ZNF66: variants seen among roughly 807,000 people sequenced by gnomAD.
ZNF66 encodes the protein putative zinc finger protein 66.
In ZNF66, 32 loss-of-function variants were observed where a neutral mutation model predicts 35.2. The observed-to-expected ratio is 0.91, with a 90% CI of 0.69 to 1.22. The LOEUF (loss-of-function observed/expected upper bound fraction) is 1.22, where lower values mean the gene tolerates loss of function less well. Among genes scored for constraint, ZNF66 ranks in the 50% most tolerant of loss-of-function variants. The pLI is 0.00. For missense variants in ZNF66, 666 were observed against 543.1 expected (o/e 1.23, Z -2.25); for synonymous variants, 231 against 181.3 (o/e 1.27, Z -2.20).
intron 1 of ZNF66, among the ~76,000 whole-genome samples, chr19:20,779,057 G>C (rs1388115831): frequency 6.6e-6 from 1 of 152,160 alleles, no homozygotes; most frequent in African/African-American, 2.4e-5. Flanking sequence ...CCTTTATCCT[G>C]AGAGAAGCTA....
intron 1 of ZNF66, among the ~76,000 whole-genome samples, chr19:20,791,246 A>C (rs142895610): frequency 9.0e-4 from 137 of 152,246 alleles, no homozygotes; most frequent in Non-Finnish European, 1.8e-3. Flanking sequence ...GCACTTTGGG[A>C]GGTCAAGGCA....
At chr19:20,785,602 T>A (rs10420292) in intron 1 of ZNF66, among the ~76,000 whole-genome samples, 98,452 of 151,968 alleles carry the variant, frequency 0.65, 32,045 homozygotes, top group Non-Finnish European at 0.67. Context: ...CATCTTTGTA[T>A]TCTGTTAAAC....
chr19:20,786,027 C>T (rs926435686), intron 1 of ZNF66, among the ~76,000 whole-genome samples: 1 of 19,220 alleles, frequency 5.2e-5, no homozygotes, highest in African/African-American at 1.8e-4. Context: ...CTCCCAGAGT[C>T]CTAGTCCTGG....
At chr19:20,800,382 C>G (rs1196059006) in intron 3 of ZNF66, among the ~76,000 whole-genome samples, 1 of 152,104 alleles carries the variant, frequency 6.6e-6, no homozygotes, top group Non-Finnish European at 1.5e-5. Flanking sequence ...TGTGTATTAT[C>G]TTGGTTTTGA....
intron 3 of ZNF66, among the ~76,000 whole-genome samples, chr19:20,795,975 G>T (rs59765058): frequency 6.6e-6 from 1 of 152,038 alleles, no homozygotes; most frequent in Non-Finnish European, 1.5e-5. Flanking sequence ...CTAAGGGCAG[G>T]TTCTCTTCTG....
intron 1 of ZNF66, chr19:20,784,585 C>T (rs956210865): frequency 6.6e-6 from 1 of 152,182 alleles, no homozygotes; most frequent in East Asian, 1.9e-4. Flanking sequence ...CAATCAGATT[C>T]TATTTCTTCA....
intron 3 of ZNF66, among the ~76,000 whole-genome samples, chr19:20,801,568 C>A (rs113570974): frequency 0.013 from 1,995 of 152,240 alleles, 40 homozygotes; most frequent in African/African-American, 0.045. Flanking sequence ...TCATCTTGAA[C>A]TCCTGACCTC....
In ZNF66 at chr19:20,808,154, G is replaced by A. The variant is rs1160181362; in HGVS notation, c.*832G>A. On this transcript the variant is annotated 3_prime_UTR_variant, in exon 4 of 4. Coordinates refer to ENST00000344519, the MANE Select transcript of ZNF66 (RefSeq NM_001355197.2). ...AAACTGCAAGGCAGCAGCGAGGCTG[G>A]GGGAGGAGCGCCTGCCATTGCCCAG... 6.6e-6 allele frequency among the ~76,000 whole-genome samples: 1 copy of A among 152,158 alleles called. No individual in the cohort carries two copies. Among genetic ancestry groups the A allele is most frequent in the South Asian group, 2.1e-4 (1 of 4,834 alleles).
rs764195392 is a variant in ZNF66, at chr19:20,806,338, A to G, written c.738A>G (p.Thr246=). 1 of 1,551,330 alleles carries G rather than the reference A, an allele frequency of 6.4e-7. No individual in the cohort carries two copies. The highest frequency in any genetic ancestry group is 1.1e-5 in the South Asian group (1 of 89,816). ...KAFNRSSNLT[T]HKKIHTGEKP... ...TTAACCGCTCCTCTAACCTTACTAC[A>G]CATAAGAAAATTCATACTGGAGAGA... The change falls in exon 4 of 4, where the codon ACA becomes ACG. Residue 246 remains threonine, a synonymous_variant. Transcript: ENST00000344519.
chr19:20,786,381 T>C (rs1374706684), intron 1 of ZNF66, among the ~76,000 whole-genome samples: 1 of 152,156 alleles, frequency 6.6e-6, no homozygotes, highest in Non-Finnish European at 1.5e-5. Context: ...CTGAAACTGA[T>C]TCAGAGAATA....
intron 3 of ZNF66, among the ~76,000 whole-genome samples, chr19:20,805,018 T>C (rs1008510049): frequency 2.0e-5 from 3 of 152,092 alleles, no homozygotes; most frequent in African/African-American, 4.8e-5. Flanking sequence ...TACCAGTGTC[T>C]AGAAAAGCCC....
At chr19:20,782,672 T>G (rs879515445) in intron 1 of ZNF66, among the ~76,000 whole-genome samples, 21 of 152,194 alleles carry the variant, frequency 1.4e-4, no homozygotes, top group Non-Finnish European at 2.8e-4. Flanking sequence ...GTATATCTTC[T>G]TTTGAAAAGA....
chr19:20,806,639 G>C lies in ZNF66; in HGVS notation c.1039G>C (p.Gly347Arg). ...GAAACCCTACAAATGTGAAGAATGT[G>C]GCAAAGGCTTTAAGTACTCCTCTAC... Reference protein sequence around the residue: ...GEKPYKCEECGKGFKYSSTLT... With the variant: ...GEKPYKCEECRKGFKYSSTLT... The change falls in exon 4 of 4, where the codon GGC becomes CGC. Residue 347 changes from glycine (G) to arginine (R), a missense_variant. Physicochemically the swap from Gly to Arg is moderately radical, Grantham distance 125. Coordinates refer to ENST00000344519, the MANE Select transcript of ZNF66 (RefSeq NM_001355197.2). 1 of 1,569,248 alleles carries C rather than the reference G, an allele frequency of 6.4e-7. No homozygotes were observed. Among genetic ancestry groups the C allele is most frequent in the Non-Finnish European group, 8.8e-7 (1 of 1,140,902 alleles).
chr19:20,800,213 C>T (rs544537586), intron 3 of ZNF66, among the ~76,000 whole-genome samples: 1 of 152,254 alleles, frequency 6.6e-6, no homozygotes, highest in South Asian at 2.1e-4. Context: ...GTTAGGATCT[C>T]ACTATTTTGC....
intron 2 of ZNF66, among the ~76,000 whole-genome samples, chr19:20,793,316 TCTTTTCTTTTC>T (rs1396929432): frequency 1.4e-4 from 11 of 78,170 alleles, no homozygotes; most frequent in South Asian, 8.4e-4. Flanking sequence ...TCTTTTCTTT[TCTTTTCTTTTC>T]TTTTCTTTTT....
At position 20,808,031 on chromosome 19, in the gene ZNF66, G is replaced by T. The variant is rs1971542207; in HGVS notation, c.*709G>T. ...ACCCTAATACTGCGCAATTCCAATG[G>T]GCTTAAAAAATGGCACACCAGATTA... On this transcript the variant is annotated 3_prime_UTR_variant, in exon 4 of 4. Coordinates refer to ENST00000344519, the MANE Select transcript of ZNF66 (RefSeq NM_001355197.2). Among the ~76,000 whole-genome samples the T allele has an allele frequency of 6.6e-6, 1 of 152,148 alleles. No individual in the cohort carries two copies. The highest frequency in any genetic ancestry group is 2.4e-5 in the African/African-American group (1 of 41,436).
At chr19:20,791,485 C>CAAAAAAA (rs35269524) in intron 1 of ZNF66, among the ~76,000 whole-genome samples, 3 of 57,336 alleles carry the variant, frequency 5.2e-5, no homozygotes, top group Non-Finnish European at 8.0e-5. Context: ...GACTTAATCT[C>CAAAAAAA]AAAAAAAAAA....
intron 3 of ZNF66, among the ~76,000 whole-genome samples, chr19:20,800,684 C>T (rs1336934915): frequency 6.6e-6 from 1 of 152,192 alleles, no homozygotes; most frequent in African/African-American, 2.4e-5. Flanking sequence ...CCAGTTATTC[C>T]TTACCTTCCA....
At chr19:20,792,134 A>C (rs553197070) in intron 1 of ZNF66, among the ~76,000 whole-genome samples, 2 of 152,004 alleles carry the variant, frequency 1.3e-5, no homozygotes, top group South Asian at 4.2e-4. Context: ...CTGGAAAAAA[A>C]CCCTGCATAA....
Sources: allele counts gnomAD v4.1 joint callset (sites outside exome capture counted in the v4.1 genomes callset), GRCh38; gene constraint gnomAD v4.1.1; transcripts MANE v1.5; gene names NCBI Gene and HGNC (gene_info 2026-07-23, HGNC 2026-07-21).